Variants in REELD1 observed in about 807,000 individuals in gnomAD.
REELD1 encodes reeler domain containing 1, also known as reelin domain-containing protein 1.
A neutral mutation model predicts 6.3 loss-of-function variants in REELD1; 12 were observed. The ratio of observed to expected loss-of-function variants is 1.89; its 90% CI spans 1.21 to 3.07. The LOEUF is 3.07. Among genes scored for constraint, REELD1 ranks in the 30% most tolerant of loss-of-function variants. The pLI is 0.00. For missense variants in REELD1, 163 were observed against 86.8 expected, an observed-to-expected ratio of 1.88 and a Z score of -3.49; for synonymous variants, 57 against 33.6, an observed-to-expected ratio of 1.70 and a Z score of -2.42.
rs372210088 is a variant in REELD1 at position 146,230,231 on chromosome 4, C to A, written c.1299C>A (p.Ala433=). ...RPDIGLEGAQ[A]PLGIQLRTPQ... ...ACATTGGGCTAGAGGGAGCCCAGGC[C>A]CCTCTGGGTATCCAGCTCAGAACTC... The change falls in exon 8 of 8, where the codon GCC becomes GCA. Residue 433 remains alanine, a synonymous_variant. Transcript: ENST00000623665. 1 of 398,790 alleles carries A rather than the reference C, an allele frequency of 2.5e-6. No individual in the cohort carries two copies. The highest frequency in any genetic ancestry group is 4.4e-6 in the Non-Finnish European group (1 of 226,168). 24.7% of individuals were successfully genotyped at this position (398,790 alleles called of 1,614,324 possible). A position where few individuals can be genotyped will look rare whatever the true frequency, so the allele number is the denominator to read the frequency against.
chr4:146,228,930 C>A, intron 6 of REELD1, 95 bp from the exon 7 acceptor site: 1 of 683,014 alleles, frequency 1.5e-6, no homozygotes, highest in South Asian at 1.6e-5. Context: ...TCAAGTGAAT[C>A]TGTTGCCATC....
chr4:146,218,555 C>T (rs573912405), intron 3 of REELD1, among the ~76,000 whole-genome samples: 1 of 152,314 alleles, frequency 6.6e-6, no homozygotes, highest in African/African-American at 2.4e-5. Flanking sequence ...TCATTTCGCT[C>T]TCTTGAGAAG....
intron 3 of REELD1, among the ~76,000 whole-genome samples, chr4:146,217,485 C>T (rs1030521419): frequency 2.0e-5 from 3 of 152,128 alleles, no homozygotes; most frequent in African/African-American, 7.2e-5. Context: ...CTCAAGTGAA[C>T]CTCCTGATTC....
chr4:146,230,631 T>A lies in REELD1; in HGVS notation c.*118T>A. The A allele has an allele frequency of 2.5e-6, 1 of 397,272 alleles. No individual in the cohort carries two copies. Among genetic ancestry groups the A allele is most frequent in the African/African-American group, 2.1e-5 (1 of 48,750 alleles). 24.6% of individuals were successfully genotyped at this position (397,272 alleles called of 1,614,324 possible). A position where few individuals can be genotyped will look rare whatever the true frequency, so the allele number is the denominator to read the frequency against. On this transcript the variant is annotated 3_prime_UTR_variant, in exon 8 of 8. Coordinates refer to ENST00000623665, the MANE Select transcript of REELD1 (RefSeq NM_001354631.1). ...CAGGGACTCATTGTGCCTCTGTCAA[T>A]GTGCAGTTAGTGGAGGAACCCGGGA... is the stretch of plus-strand genomic sequence containing the variant.
At chr4:146,228,650 T>G in intron 6 of REELD1, 128 bp downstream of exon 6, 1 of 599,482 alleles carries the variant, frequency 1.7e-6, no homozygotes, top group Non-Finnish European at 3.0e-6. Context: ...AAACCCAGGA[T>G]GTAGCAGGGC....
At chr4:146,223,210 G>A (rs1472785983) in intron 4 of REELD1, among the ~76,000 whole-genome samples, 3 of 152,192 alleles carry the variant, frequency 2.0e-5, no homozygotes, top group African/African-American at 7.2e-5. Context: ...GTGTGTTTCT[G>A]TTTCTCTTCC....
chr4:146,230,436 G>A lies in REELD1; in HGVS notation c.1504G>A (p.Glu502Lys). The A allele has an allele frequency of 2.5e-6, 1 of 398,734 alleles. No homozygotes were observed. The highest frequency in any genetic ancestry group is 3.6e-5 in the East Asian group (1 of 28,076). 24.7% of individuals were successfully genotyped at this position (398,734 alleles called of 1,614,324 possible). Residue 502 changes from glutamate to lysine, a missense_variant, in exon 8 of 8, where the codon GAG (glutamate) becomes AAG (lysine). By Grantham distance (56) the Glu-to-Lys change is moderately conservative. Coordinates refer to ENST00000623665, the MANE Select transcript of REELD1 (RefSeq NM_001354631.1). ...GETVHVRKIG[E>K]NSFVLVQAEY... ...GACTGTGCACGTCAGGAAGATTGGG[G>A]AGAACAGTTTTGTTTTGGTTCAAGC...
At position 146,232,009 on chromosome 4, in the gene REELD1, A is replaced by T. The variant is rs1425027640; in HGVS notation, c.*1496A>T. 4 of 152,218 alleles carry T rather than the reference A, an allele frequency of 2.6e-5. No homozygotes were observed. The highest frequency in any genetic ancestry group is 5.9e-5 in the Non-Finnish European group (4 of 68,048). 9.4% of individuals were successfully genotyped at this position (152,218 alleles called of 1,614,324 possible). ...GAAACAAAAGTACTGTAGTCTAATA[A>T]GGCCACAGATATCCCTTCTGTATGT... On this transcript the variant is annotated 3_prime_UTR_variant, in exon 8 of 8. Transcript: ENST00000623665.
At chr4:146,225,735 G>A (rs1432948123) in intron 5 of REELD1, among the ~76,000 whole-genome samples, 1 of 152,190 alleles carries the variant, frequency 6.6e-6, no homozygotes, top group Non-Finnish European at 1.5e-5. Context: ...ATGAATAAAA[G>A]TGAAGCTTCA....
At position 146,230,383 on chromosome 4, in the gene REELD1, A is replaced by AT. The variant is rs1265891113; in HGVS notation, c.1452dup (p.Ala485CysfsTer9). On this transcript the variant is annotated frameshift_variant, in exon 8 of 8. Coordinates refer to ENST00000623665, the MANE Select transcript of REELD1 (RefSeq NM_001354631.1). LOFTEE classifies it low-confidence loss of function (END_TRUNC). ...GTGTCTTTCAGTGAGCCCGCTTCGG[A>AT]TGCTGTTGCCAGGAGCAACAGTGGT... The AT allele has an allele frequency of 1.5e-5, 6 of 398,666 alleles. No individual in the cohort carries two copies. Among genetic ancestry groups the AT allele is most frequent in the African/African-American group, 1.0e-4 (5 of 48,644 alleles). 24.7% of individuals were successfully genotyped at this position (398,666 alleles called of 1,614,324 possible).
chr4:146,231,855 A>G lies in REELD1; in HGVS notation c.*1342A>G, dbSNP rs1190832660. 1 of 152,166 alleles carries G rather than the reference A, an allele frequency of 6.6e-6. No homozygotes were observed. The highest frequency in any genetic ancestry group is 2.4e-5 in the African/African-American group (1 of 41,424). The allele number at this position is 152,166 out of a possible 1,614,324, so 9.4% of individuals were successfully genotyped here. Reference sequence around the variant, plus strand: ...CCTCGCTTTAGCTCATTGGTCATCAATTCCAAGACTCTCTCCTCCTGGATT... The same window carrying G: ...CCTCGCTTTAGCTCATTGGTCATCAGTTCCAAGACTCTCTCCTCCTGGATT... On this transcript the variant is annotated 3_prime_UTR_variant, in exon 8 of 8. Coordinates refer to ENST00000623665, the MANE Select transcript of REELD1 (RefSeq NM_001354631.1).
In REELD1 at chr4:146,224,580, G is replaced by C. The variant is rs746360647; in HGVS notation, c.567G>C (p.Arg189Ser). ...PRLLMPNLHQ[R>S]LGDVEGAAPA... ...TGCTGATGCCAAACCTTCACCAGAG[G>C]CTGGGCGATGTTGAAGGAGCTGCTC... Residue 189 changes from arginine (R) to serine (S), a missense_variant, in exon 5 of 8, where the codon AGG becomes AGC. Coordinates refer to ENST00000623665, the MANE Select transcript of REELD1 (RefSeq NM_001354631.1). 1.4e-6 allele frequency: 1 copy of C among 702,218 alleles called. No individual in the cohort carries two copies. The highest frequency in any genetic ancestry group is 1.5e-5 in the South Asian group (1 of 67,546). 43.5% of individuals were successfully genotyped at this position (702,218 alleles called of 1,614,324 possible). A position where few individuals can be genotyped will look rare whatever the true frequency, so the allele number is the denominator to read the frequency against.
At chr4:146,228,954 G>A (rs1415177849) in intron 6 of REELD1, 71 bp from the exon 7 acceptor site, 6 of 700,790 alleles carry the variant, frequency 8.6e-6, no homozygotes, top group Non-Finnish European at 1.6e-5. Context: ...ATACACAACT[G>A]TGGTAGGAAA....
chr4:146,230,567 C>A lies in REELD1; in HGVS notation c.*54C>A, dbSNP rs1439092202. On this transcript the variant is annotated 3_prime_UTR_variant, in exon 8 of 8. Coordinates refer to ENST00000623665, the MANE Select transcript of REELD1 (RefSeq NM_001354631.1). ...GCCCTCCTTGGGCCCTGGAGAGTGTCCCAGACAGAGCAGAGATAATGAGAA... is the reference window on the plus strand; with the variant it reads ...GCCCTCCTTGGGCCCTGGAGAGTGTACCAGACAGAGCAGAGATAATGAGAA... The A allele has an allele frequency of 5.0e-6, 2 of 398,046 alleles. No homozygotes were observed. Among genetic ancestry groups the A allele is most frequent in the African/African-American group, 4.1e-5 (2 of 48,624 alleles). 24.7% of individuals were successfully genotyped at this position (398,046 alleles called of 1,614,324 possible).
At chr4:146,217,505 A>G (rs1214614321) in intron 3 of REELD1, among the ~76,000 whole-genome samples, 4 of 152,100 alleles carry the variant, frequency 2.6e-5, no homozygotes, top group Non-Finnish European at 4.4e-5. Context: ...CAGCCTCCAA[A>G]AGTGCTGGGA....
At chr4:146,223,190 G>A (rs757637902) in intron 4 of REELD1, among the ~76,000 whole-genome samples, 4 of 152,174 alleles carry the variant, frequency 2.6e-5, no homozygotes, top group Admixed American at 6.5e-5. Context: ...TTTCTCTTTC[G>A]GGAAAGGGTG....
intron 2 of REELD1, 31 bp from the exon 3 acceptor site, chr4:146,216,911 T>C (rs1730836309): frequency 7.5e-6 from 3 of 398,396 alleles, no homozygotes; most frequent in Non-Finnish European, 1.3e-5. Context: ...AAATAACGTC[T>C]GGACTGAAGC....
rs1193222742 is a variant in REELD1, at chr4:146,224,602, G to T, written c.589G>T (p.Ala197Ser). The T allele has an allele frequency of 2.8e-6, 2 of 702,004 alleles. No homozygotes were observed. The highest frequency in any genetic ancestry group is 3.5e-5 in the African/African-American group (2 of 57,244). 43.5% of individuals were successfully genotyped at this position (702,004 alleles called of 1,614,324 possible). ...GAGGCTGGGCGATGTTGAAGGAGCTGCTCCAGGTACAGCTTGTCATTGTAT... is the reference window on the plus strand; with the variant it reads ...GAGGCTGGGCGATGTTGAAGGAGCTTCTCCAGGTACAGCTTGTCATTGTAT... ...HQRLGDVEGA[A>S]PAPRTPITLP... The change falls in exon 5 of 8, where the codon GCT becomes TCT. Residue 197 changes from alanine (A) to serine (S), a missense_variant. Physicochemically the swap from Ala to Ser is moderately conservative, Grantham distance 99. Transcript: ENST00000623665.
At chr4:146,225,044 G>A (rs1287484276) in intron 5 of REELD1, among the ~76,000 whole-genome samples, 1 of 152,162 alleles carries the variant, frequency 6.6e-6, no homozygotes, top group Non-Finnish European at 1.5e-5. Flanking sequence ...AGTTTTTATT[G>A]TTACTTTTCA....
Sources: gnomAD v4.1 joint callset for allele counts (sites outside exome capture counted in the v4.1 genomes callset) on GRCh38, gnomAD v4.1.1 for gene constraint, MANE v1.5 for transcripts, NCBI Gene and HGNC (gene_info 2026-07-23, HGNC 2026-07-21) for gene names.